The following RBM6 variants were observed in gnomAD, a reference collection of about 807,000 sequenced individuals.
The protein encoded by RBM6 is RNA binding motif protein 6, also known as RNA-binding protein 6.
A neutral mutation model predicts 140.4 loss-of-function variants in RBM6; 23 were observed. The observed-to-expected ratio is 0.16, with a 90% CI of 0.12 to 0.23. The LOEUF (loss-of-function observed/expected upper bound fraction) is 0.23. Among genes scored for constraint, RBM6 ranks in the 10% least tolerant of loss-of-function variants. The pLI, the probability that RBM6 is intolerant of heterozygous loss-of-function variation, is 1.00. For synonymous variants in RBM6, 439 were observed against 475.6 expected (o/e 0.92, Z 1.00); for missense variants, 1,139 against 1,386.7 (o/e 0.82, Z 2.84).
intron 5 of RBM6, among the ~76,000 whole-genome samples, chr3:49,983,885 A>G (rs1207081145): frequency 6.6e-6 from 1 of 152,158 alleles, no homozygotes; most frequent in African/African-American, 2.4e-5. Context: ...CCTAGGGAAG[A>G]ATCTGTGATT....
At position 50,057,845 on chromosome 3, in the gene RBM6, C is replaced by A; in HGVS notation, c.1811C>A (p.Pro604His). The change falls in exon 9 of 21, where the codon CCC (proline) becomes CAC (histidine). Residue 604 changes from proline (P) to histidine (H), a missense_variant. Pro to His is a moderately conservative substitution (Grantham distance 77, BLOSUM62 -2). Transcript: ENST00000266022. The part of the protein sequence containing the change: ...PLRPADKEPE[P>H]RKREEGQESR... ...AGACCAGCTGATAAGGAACCTGAACCCAGGAAGAGGGAAGAAGGCCAAGAG... is the reference window on the plus strand; with the variant it reads ...AGACCAGCTGATAAGGAACCTGAACACAGGAAGAGGGAAGAAGGCCAAGAG... The A allele has an allele frequency of 1.2e-6, 2 of 1,613,744 alleles. No individual in the cohort carries two copies. Among genetic ancestry groups the A allele is most frequent in the Non-Finnish European group, 1.7e-6 (2 of 1,179,970 alleles).
Position 49,967,688 on chromosome 3 carries a change from G to T in RBM6, c.263G>T (p.Gly88Val), listed in dbSNP as rs766287622. 1 of 1,614,146 alleles carries T rather than the reference G, an allele frequency of 6.2e-7. No individual in the cohort carries two copies. The highest frequency in any genetic ancestry group is 1.1e-5 in the South Asian group (1 of 91,072). ...GGACCGCATGGTGACTATCGAGGAGGGGAGGGACCTGGACATGATTTCAGG... is the reference window on the plus strand; with the variant it reads ...GGACCGCATGGTGACTATCGAGGAGTGGAGGGACCTGGACATGATTTCAGG... ...RDGPHGDYRGGEGPGHDFRGG... is the reference protein window; with the variant it reads ...RDGPHGDYRGVEGPGHDFRGG... Residue 88 changes from glycine to valine, a missense_variant, in exon 3 of 21, where the codon GGG becomes GTG. Transcript: ENST00000266022. This position sits in a 1 kb window ranked among gnomAD's most constrained non-coding sequence, Gnocchi z 4.0.
intron 6 of RBM6, among the ~76,000 whole-genome samples, chr3:50,036,801 A>G (rs549931921): frequency 1.8e-4 from 27 of 151,728 alleles, no homozygotes; most frequent in African/African-American, 6.5e-4. Flanking sequence ...TTTTTTTTGG[A>G]GATGGGAGTC....
At chr3:50,011,920 T>C (rs1196839294) in intron 6 of RBM6, among the ~76,000 whole-genome samples, 2 of 151,538 alleles carry the variant, frequency 1.3e-5, no homozygotes, top group Non-Finnish European at 2.9e-5. Flanking sequence ...GGCATGACCA[T>C]GGCTCACTGC....
In RBM6 at chr3:49,968,566, G is replaced by C. The variant is rs377267425; in HGVS notation, c.1141G>C (p.Asp381His). Residue 381 changes from aspartate (D) to histidine (H), a missense_variant, in exon 3 of 21, where the codon GAT becomes CAT. By Grantham distance (81) the Asp-to-His change is moderately conservative. This residue lies in a region of RBM6 where 566 missense variants were observed against 612.7 expected (regional missense o/e 0.92). Coordinates refer to ENST00000266022, the MANE Select transcript of RBM6 (RefSeq NM_005777.3). ...TTCTGGACGTGAAGAGCAGAGTTCA[G>C]ATGCTGGTCTGTTTAAAGAAGAAGG... ...QLSGREEQSSDAGLFKEEGGL... is the reference protein window; with the variant it reads ...QLSGREEQSSHAGLFKEEGGL... The C allele has an allele frequency of 1.2e-6, 2 of 1,614,184 alleles. No homozygotes were observed. The highest frequency in any genetic ancestry group is 1.7e-5 in the Admixed American group (1 of 60,004).
At position 49,967,685 on chromosome 3, in the gene RBM6, G is replaced by T. The variant is rs146100744; in HGVS notation, c.260G>T (p.Gly87Val). Residue 87 changes from glycine (G) to valine (V), a missense_variant, in exon 3 of 21, where the codon GGA (glycine) becomes GTA (valine). Around this residue, in one of 9 missense-constraint regions of RBM6, gnomAD observed 566 missense variants for 612.7 expected, o/e 0.92. Transcript: ENST00000266022. This position sits in a 1 kb window ranked among gnomAD's most constrained non-coding sequence, Gnocchi z 4.0. ...ARDGPHGDYR[G>V]GEGPGHDFRG... ...GACGGACCGCATGGTGACTATCGAG[G>T]AGGGGAGGGACCTGGACATGATTTC... 3.1e-6 allele frequency: 5 copies of T among 1,614,054 alleles called. No individual in the cohort carries two copies. In the African/African-American group the frequency reaches 6.7e-5, roughly 22 times the overall value.
intron 6 of RBM6, among the ~76,000 whole-genome samples, chr3:50,005,195 T>A (rs2086517418): frequency 1.3e-5 from 2 of 152,228 alleles, no homozygotes; most frequent in Admixed American, 1.3e-4. Flanking sequence ...TCCTTGTGAT[T>A]AAAATTAGAG....
At chr3:49,994,497 T>C (rs1338559917) in intron 5 of RBM6, among the ~76,000 whole-genome samples, 1 of 152,216 alleles carries the variant, frequency 6.6e-6, no homozygotes, top group African/African-American at 2.4e-5. Flanking sequence ...AATCTCTAAC[T>C]TGATATTTTA....
intron 9 of RBM6, 38 bp downstream of exon 9, chr3:50,058,041 A>C: frequency 6.3e-7 from 1 of 1,596,218 alleles, no homozygotes; most frequent in Non-Finnish European, 8.5e-7. Flanking sequence ...GACTGTGATC[A>C]TCACAATGGA....
chr3:49,956,347 T>G (rs1250255427), intron 1 of RBM6, among the ~76,000 whole-genome samples: 2 of 146,632 alleles, frequency 1.4e-5, no homozygotes, highest in Non-Finnish European at 3.0e-5. Flanking sequence ...TTTTTTTTTT[T>G]TTTTTGAGAC....
intron 5 of RBM6, among the ~76,000 whole-genome samples, chr3:49,984,989 A>G (rs1001206912): frequency 6.6e-6 from 1 of 152,170 alleles, no homozygotes; most frequent in Non-Finnish European, 1.5e-5. Flanking sequence ...GCCCTCTGTC[A>G]GTTCCACTGC....
At chr3:49,995,429 G>GCTA (rs2086039488) in intron 5 of RBM6, among the ~76,000 whole-genome samples, 1 of 151,932 alleles carries the variant, frequency 6.6e-6, no homozygotes, top group African/African-American at 2.4e-5. Context: ...GGTAGTCCCA[G>GCTA]CTACTGCAGG....
At chr3:50,070,694 A>G (rs1207028764) in intron 19 of RBM6, 142 bp downstream of exon 19, 4 of 647,194 alleles carry the variant, frequency 6.2e-6, no homozygotes, top group East Asian at 2.8e-5. Flanking sequence ...CATGAGGTCT[A>G]TGCCAGCCTT....
chr3:49,943,170 CT>C (rs1166756338), intron 1 of RBM6, among the ~76,000 whole-genome samples: 2 of 152,130 alleles, frequency 1.3e-5, no homozygotes, highest in Non-Finnish European at 2.9e-5. Context: ...TTGCTTCTGC[CT>C]TTTGACTATT....
At chr3:50,042,672 G>T (rs759799176) in intron 6 of RBM6, among the ~76,000 whole-genome samples, 1 of 152,088 alleles carries the variant, frequency 6.6e-6, no homozygotes, top group Non-Finnish European at 1.5e-5. Context: ...GGAGGTCAAG[G>T]CTGCAGTCAG....
intron 6 of RBM6, among the ~76,000 whole-genome samples, chr3:50,030,452 T>C (rs1575745061): frequency 6.6e-6 from 1 of 152,126 alleles, no homozygotes; most frequent in Non-Finnish European, 1.5e-5. Context: ...GGTTTTTTCA[T>C]TGTCATTTCT....
intron 19 of RBM6, 43 bp downstream of exon 19, chr3:50,070,595 T>A: frequency 7.3e-7 from 1 of 1,377,702 alleles, no homozygotes; most frequent in Non-Finnish European, 1.0e-6. Context: ...TCAAGCCTAA[T>A]GATAAAACCA....
chr3:50,022,627 A>G (rs1401801164), intron 6 of RBM6, among the ~76,000 whole-genome samples: 1 of 151,896 alleles, frequency 6.6e-6, no homozygotes, highest in Non-Finnish European at 1.5e-5. Flanking sequence ...ACCGCACCTG[A>G]CAAATGATGT....
chr3:49,953,030 G>C (rs1210024497), intron 1 of RBM6, among the ~76,000 whole-genome samples: 1 of 151,760 alleles, frequency 6.6e-6, no homozygotes, highest in Non-Finnish European at 1.5e-5. Flanking sequence ...TTATAGGCAT[G>C]AGCCAATGTG....
Sources: gnomAD v4.1 joint callset for allele counts (sites outside exome capture counted in the v4.1 genomes callset) on GRCh38, gnomAD v4.1.1 for gene constraint, gnomAD v4.1.1 regional missense constraint, Gnocchi (gnomAD v3.1) non-coding constraint, MANE v1.5 for transcripts, NCBI Gene and HGNC (gene_info 2026-07-23, HGNC 2026-07-21) for gene names.